SDK1: variants seen among roughly 807,000 people sequenced by gnomAD.
The protein encoded by SDK1 is sidekick cell adhesion molecule 1.
In SDK1, 157 loss-of-function variants were observed where a neutral mutation model predicts 245.5. The observed-to-expected ratio is 0.64, with a 90% confidence interval of 0.56 to 0.73. The LOEUF (loss-of-function observed/expected upper bound fraction) is 0.73, where lower values mean the gene tolerates loss of function less well. Among genes scored for constraint, SDK1 ranks in the 30% least tolerant of loss-of-function variants. The pLI, the probability that SDK1 is intolerant of heterozygous loss-of-function variation, is 0.00. For missense variants in SDK1, 3,583 were observed against 3,002.3 expected, an observed-to-expected ratio of 1.19 and a Z score of -4.52; for synonymous variants, 1,647 against 1,278.5, an observed-to-expected ratio of 1.29 and a Z score of -6.15.
intron 1 of SDK1, among the ~76,000 whole-genome samples, chr7:3,353,172 A>AG (rs1780705134): frequency 6.8e-6 from 1 of 146,718 alleles, no homozygotes; most frequent in South Asian, 2.2e-4. Context: ...TAGATAGGTA[A>AG]GTGGTGTAAG....
intron 4 of SDK1, among the ~76,000 whole-genome samples, chr7:3,671,471 T>G (rs2128662917): frequency 6.6e-6 from 1 of 152,350 alleles, no homozygotes; most frequent in South Asian, 2.1e-4. Flanking sequence ...GTCATTACCC[T>G]TTTTGTTATT....
At chr7:4,137,892 A>ACTGCTAC (rs1192134636) in intron 28 of SDK1, among the ~76,000 whole-genome samples, 1 of 152,186 alleles carries the variant, frequency 6.6e-6, no homozygotes, top group African/African-American at 2.4e-5. Context: ...AAATGCAAGG[A>ACTGCTAC]CTGCTACTCA....
chr7:4,172,873 A>G (rs1781937899), intron 32 of SDK1, among the ~76,000 whole-genome samples: 2 of 151,872 alleles, frequency 1.3e-5, no homozygotes, highest in African/African-American at 4.8e-5. Context: ...TCTTCTCATA[A>G]TTTCCCTCCA....
rs35931237 is a variant in SDK1 at position 4,088,555 on chromosome 7, G to GT, written c.3324+8983dup. Reference sequence around the variant, plus strand: ...TCTGATCCTGATTTCCTAGGAGTTGGTTTTTTTTTTTTAAAGCATAAATAA... The same window carrying GT: ...TCTGATCCTGATTTCCTAGGAGTTGGTTTTTTTTTTTTTAAAGCATAAATAA... On this transcript the variant is annotated intron_variant, in intron 22 of 44. Transcript: ENST00000404826. Among the ~76,000 whole-genome samples, 746 of 146,418 alleles carry GT rather than the reference G, an allele frequency of 5.1e-3. 8 individuals carry two copies. Among genetic ancestry groups the GT allele is most frequent in the African/African-American group, 0.016 (635 of 40,390 alleles).
At chr7:3,942,398 G>C (rs772003324) in intron 5 of SDK1, among the ~76,000 whole-genome samples, 2 of 152,166 alleles carry the variant, frequency 1.3e-5, no homozygotes, top group African/African-American at 2.4e-5. Context: ...GCTTGAGAGG[G>C]ATCCCTTCAT....
chr7:3,969,004 T>G (rs902726637), intron 10 of SDK1, among the ~76,000 whole-genome samples: 5 of 152,028 alleles, frequency 3.3e-5, no homozygotes, highest in Non-Finnish European at 7.4e-5. Flanking sequence ...AAGGGGGAAG[T>G]GCCAAACAGT....
At chr7:3,854,193 G>T (rs1185495187) in intron 5 of SDK1, among the ~76,000 whole-genome samples, 1 of 151,954 alleles carries the variant, frequency 6.6e-6, no homozygotes, top group Non-Finnish European at 1.5e-5. Flanking sequence ...GTTATGTACG[G>T]TGTGGTAGAG....
In SDK1 at chr7:3,301,846, T is replaced by C; in HGVS notation, c.260T>C (p.Leu87Pro). 1 of 1,133,300 alleles carries C rather than the reference T, an allele frequency of 8.8e-7. No individual in the cohort carries two copies. Among genetic ancestry groups the C allele is most frequent in the Non-Finnish European group, 1.1e-6 (1 of 925,848 alleles). 70.2% of individuals were successfully genotyped at this position (1,133,300 alleles called of 1,614,324 possible). A position where few individuals can be genotyped will look rare whatever the true frequency, so the allele number is the denominator to read the frequency against. The change falls in exon 1 of 45, where the codon CTG (leucine) becomes CCG (proline). Residue 87 changes from leucine to proline, a missense_variant. Transcript: ENST00000404826. ...GGCCGCCGCGGCTGGTGGGCGCTGC[T>C]GGCGCTGCAGCTGCACTTGCTCCGG... Reference protein sequence around the residue: ...GPGRRGWWALLALQLHLLRAL... With the variant: ...GPGRRGWWALPALQLHLLRAL...
chr7:3,415,434 G>A (rs1048816552), intron 1 of SDK1, among the ~76,000 whole-genome samples: 1 of 152,162 alleles, frequency 6.6e-6, no homozygotes, highest in South Asian at 2.1e-4. Context: ...AAAACAATGA[G>A]AGGTAGGTTA....
chr7:3,914,112 G>C (rs1339116503), intron 5 of SDK1, among the ~76,000 whole-genome samples: 1 of 152,188 alleles, frequency 6.6e-6, no homozygotes, highest in Admixed American at 6.5e-5. Context: ...TTTGCATTTA[G>C]TGCAAACCCA....
At position 3,586,283 on chromosome 7, in the gene SDK1, C is replaced by T. The variant is rs560858484; in HGVS notation, c.299-32797C>T. Among the ~76,000 whole-genome samples the T allele has an allele frequency of 7.2e-5, 11 of 152,050 alleles. No homozygotes were observed. The East Asian group carries it at 1.4e-3, about 19-fold the overall frequency. On this transcript the variant is annotated intron_variant, in intron 1 of 44. Coordinates refer to ENST00000404826, the MANE Select transcript of SDK1 (RefSeq NM_152744.4). The stretch of plus-strand genomic sequence containing the variant: ...GTCAACATAGACCTCCGAAAGAGCC[C>T]GCCCTAGGCCAGGAGTCATGAGTGG...
At chr7:3,987,106 G>C (rs924378332) in intron 13 of SDK1, 80 bp from the exon 14 acceptor site, 1 of 1,387,842 alleles carries the variant, frequency 7.2e-7, no homozygotes. Context: ...CAGCAGGACG[G>C]TCTGCTGTAA....
intron 4 of SDK1, among the ~76,000 whole-genome samples, chr7:3,771,202 C>G (rs944003266): frequency 6.6e-6 from 1 of 152,036 alleles, no homozygotes; most frequent in Non-Finnish European, 1.5e-5. Flanking sequence ...CTTCAGCAAG[C>G]CCACCTGGGC....
At chr7:3,962,229 A>G (rs867751777) in intron 8 of SDK1, among the ~76,000 whole-genome samples, 2 of 152,366 alleles carry the variant, frequency 1.3e-5, no homozygotes, top group Non-Finnish European at 2.9e-5. Flanking sequence ...TCCGCGAGGC[A>G]TGGACCTGGG....
At chr7:4,175,938 T>TAAA (rs1164175984) in intron 34 of SDK1, 104 bp downstream of exon 34, 4 of 964,028 alleles carry the variant, frequency 4.1e-6, no homozygotes, top group Non-Finnish European at 6.6e-6. Flanking sequence ...GATTAATGGC[T>TAAA]CCAGTTCTGG....
chr7:4,104,866 TA>T (rs1371887096), intron 22 of SDK1, among the ~76,000 whole-genome samples: 1 of 150,322 alleles, frequency 6.7e-6, no homozygotes, highest in Non-Finnish European at 1.5e-5. Context: ...CATGCCTGGC[TA>T]ATTTTTTTTT....
At chr7:3,816,065 A>C in intron 4 of SDK1, among the ~76,000 whole-genome samples, 1 of 141,808 alleles carries the variant, frequency 7.1e-6, no homozygotes, top group Non-Finnish European at 1.5e-5. Flanking sequence ...AAGACACAAC[A>C]TACCAGAATC....
chr7:3,768,015 C>T (rs1268481281), intron 4 of SDK1, among the ~76,000 whole-genome samples: 2 of 152,190 alleles, frequency 1.3e-5, no homozygotes, highest in Admixed American at 6.5e-5. Flanking sequence ...TCCCTGTTCA[C>T]ACATGTGGAA....
At chr7:4,157,234 T>G in intron 30 of SDK1, among the ~76,000 whole-genome samples, 1 of 146,882 alleles carries the variant, frequency 6.8e-6, no homozygotes, top group African/African-American at 2.5e-5. Context: ...CCATTGCATG[T>G]GGAGTAGCTG....
Sources: allele counts gnomAD v4.1 joint callset (sites outside exome capture counted in the v4.1 genomes callset), GRCh38; gene constraint gnomAD v4.1.1; transcripts MANE v1.5; gene names NCBI Gene and HGNC (gene_info 2026-07-23, HGNC 2026-07-21).